Variants in CADM1 observed in about 807,000 individuals in gnomAD.
CADM1 encodes TSLC-1.
In CADM1, 15 loss-of-function variants were observed where a neutral mutation model predicts 53.1. The observed-to-expected ratio is 0.28, with a 90% CI of 0.19 to 0.44. The LOEUF (loss-of-function observed/expected upper bound fraction) is 0.44, where lower values mean the gene tolerates loss of function less well. Ranked by LOEUF, CADM1 falls within the 20% of genes least tolerant of loss-of-function variation. The pLI, the probability that CADM1 is intolerant of heterozygous loss-of-function variation, is 1.00. For missense variants in CADM1, 434 were observed against 611.3 expected (o/e 0.71, Z 3.06); for synonymous variants, 281 against 243.0 (o/e 1.16, Z -1.45).
chr11:115,358,659 C>A (rs1334967758), intron 1 of CADM1, among the ~76,000 whole-genome samples: 4 of 152,164 alleles, frequency 2.6e-5, no homozygotes, highest in African/African-American at 9.7e-5. Context: ...TTATTTCACA[C>A]AGCATAATTA....
chr11:115,267,678 CTTTTTT>C (rs56712105), intron 1 of CADM1, among the ~76,000 whole-genome samples: 2 of 131,302 alleles, frequency 1.5e-5, no homozygotes, highest in African/African-American at 2.7e-5. Context: ...AAATTGCTTT[CTTTTTT>C]TTTTTTTTTT....
At chr11:115,347,023 A>T (rs576364775) in intron 1 of CADM1, among the ~76,000 whole-genome samples, 47 of 152,334 alleles carry the variant, frequency 3.1e-4, no homozygotes, top group African/African-American at 1.1e-3. Context: ...ACCTAAACTA[A>T]ATAAGCATAT....
intron 5 of CADM1, among the ~76,000 whole-genome samples, chr11:115,218,359 TTATCA>T (rs1160889324): frequency 6.6e-6 from 1 of 152,190 alleles, no homozygotes; most frequent in Non-Finnish European, 1.5e-5. Flanking sequence ...TTGATACATT[TTATCA>T]TATATCATAT....
rs1938813523 is a variant in CADM1 at position 115,172,240 on chromosome 11, A to G, written c.*4234T>C. ...ATTCTATCTCTCTGGGTCTTTTTATAGAGATGCAATGAATGAGTACTCCCT... is the reference window on the plus strand; with the variant it reads ...ATTCTATCTCTCTGGGTCTTTTTATGGAGATGCAATGAATGAGTACTCCCT... On this transcript the variant is annotated 3_prime_UTR_variant, in exon 12 of 12. Transcript: ENST00000331581. 1 of 152,252 alleles carries G rather than the reference A, an allele frequency of 6.6e-6. No individual in the cohort carries two copies. Among genetic ancestry groups the G allele is most frequent in the South Asian group, 2.1e-4 (1 of 4,830 alleles). 9.4% of individuals were successfully genotyped at this position (152,252 alleles called of 1,614,324 possible).
At chr11:115,281,283 G>T (rs1943576992) in intron 1 of CADM1, among the ~76,000 whole-genome samples, 1 of 152,188 alleles carries the variant, frequency 6.6e-6, no homozygotes, top group African/African-American at 2.4e-5. Context: ...GTAGCACAGG[G>T]AATGCCCAGG....
chr11:115,438,308 G>C (rs1948228171), intron 1 of CADM1, among the ~76,000 whole-genome samples: 1 of 151,948 alleles, frequency 6.6e-6, no homozygotes, highest in African/African-American at 2.4e-5. Context: ...TATTTTTAAT[G>C]AATCTTACCA....
intron 1 of CADM1, among the ~76,000 whole-genome samples, chr11:115,372,605 G>C (rs1340889330): frequency 6.6e-6 from 1 of 152,156 alleles, no homozygotes; most frequent in African/African-American, 2.4e-5. Flanking sequence ...GAATGTAAAA[G>C]ATTATCAAAA....
At chr11:115,367,960 T>C (rs77425194) in intron 1 of CADM1, among the ~76,000 whole-genome samples, 2,702 of 152,144 alleles carry the variant, frequency 0.018, 74 homozygotes, top group African/African-American at 0.061. Context: ...TGTCTAGGTA[T>C]AGTATTTCCT....
At chr11:115,418,887 A>G (rs1425457096) in intron 1 of CADM1, among the ~76,000 whole-genome samples, 1 of 152,192 alleles carries the variant, frequency 6.6e-6, no homozygotes. Flanking sequence ...AAACTATATA[A>G]CATCATAGTC....
intron 1 of CADM1, among the ~76,000 whole-genome samples, chr11:115,339,584 T>C (rs1234968349): frequency 6.6e-6 from 1 of 152,222 alleles, no homozygotes; most frequent in Non-Finnish European, 1.5e-5. Context: ...CACCCCTACC[T>C]TCTGCCTCTT....
intron 10 of CADM1, among the ~76,000 whole-genome samples, chr11:115,185,232 T>A (rs1939487972): frequency 6.6e-6 from 1 of 152,206 alleles, no homozygotes; most frequent in East Asian, 1.9e-4. Context: ...CCAGTTCTTA[T>A]CACCGACCCA....
rs1938916417 is a variant in CADM1 at position 115,174,281 on chromosome 11, TTTTG to T, written c.*2189_*2192del. On this transcript the variant is annotated 3_prime_UTR_variant, in exon 12 of 12. Transcript: ENST00000331581. ...CAATGGTGTGATTTTTTTTTTTTGT[TTTTG>T]TTTTTGTTTTTCTTTTTTTCTAAAA... The T allele has an allele frequency of 1.0e-6, 1 of 983,050 alleles. No homozygotes were observed. Among genetic ancestry groups the T allele is most frequent in the Non-Finnish European group, 1.2e-6 (1 of 828,514 alleles). The allele number at this position is 983,050 out of a possible 1,614,324, so 60.9% of individuals were successfully genotyped here. A position where few individuals can be genotyped will look rare whatever the true frequency, so the allele number is the denominator to read the frequency against.
intron 1 of CADM1, among the ~76,000 whole-genome samples, chr11:115,303,303 C>G (rs1944281760): frequency 6.6e-6 from 1 of 151,950 alleles, no homozygotes; most frequent in Admixed American, 6.6e-5. Context: ...ATTTTCTATG[C>G]CTGCATTTGA....
chr11:115,391,674 A>C (rs1401174409), intron 1 of CADM1, among the ~76,000 whole-genome samples: 2 of 152,172 alleles, frequency 1.3e-5, no homozygotes, highest in African/African-American at 4.8e-5. Flanking sequence ...AAGACAGATT[A>C]TTTCTCACCA....
At chr11:115,442,211 C>CT (rs1948330341) in intron 1 of CADM1, among the ~76,000 whole-genome samples, 1 of 151,290 alleles carries the variant, frequency 6.6e-6, no homozygotes. Context: ...AGGCAAGGGA[C>CT]CAATGAGTGA....
chr11:115,340,692 A>C (rs2135244666), intron 1 of CADM1, among the ~76,000 whole-genome samples: 1 of 107,332 alleles, frequency 9.3e-6, no homozygotes, highest in African/African-American at 4.0e-5. Flanking sequence ...ACAGAGTCTC[A>C]CTCTGTCGCC....
intron 1 of CADM1, among the ~76,000 whole-genome samples, chr11:115,270,152 T>A (rs1283197540): frequency 6.6e-6 from 1 of 152,192 alleles, no homozygotes; most frequent in Non-Finnish European, 1.5e-5. Flanking sequence ...TTTAGACTTC[T>A]AAAAGAGAAT....
At chr11:115,208,552 G>A (rs554353478) in intron 8 of CADM1, among the ~76,000 whole-genome samples, 31 of 152,180 alleles carry the variant, frequency 2.0e-4, no homozygotes, top group Admixed American at 1.2e-3. Flanking sequence ...AGAGACAGGG[G>A]TGGGTACCAG....
At chr11:115,232,702 C>T (rs118009497) in intron 3 of CADM1, among the ~76,000 whole-genome samples, 2 of 152,030 alleles carry the variant, frequency 1.3e-5, no homozygotes, top group Non-Finnish European at 2.9e-5. Flanking sequence ...TTTTATGAAA[C>T]TGAGTTGACA....
Sources: gnomAD v4.1 joint callset for allele counts (sites outside exome capture counted in the v4.1 genomes callset) on GRCh38, gnomAD v4.1.1 for gene constraint, MANE v1.5 for transcripts, NCBI Gene and HGNC (gene_info 2026-07-23, HGNC 2026-07-21) for gene names.